C2CD2: variants seen among roughly 807,000 people sequenced by gnomAD.
C2CD2 encodes C2 calcium dependent domain containing 2, also known as C2 domain-containing protein 2.
C2CD2 carries 43 observed loss-of-function variants against 74.3 expected under a neutral mutation model. The observed-to-expected ratio is 0.58, with a 90% CI of 0.45 to 0.75. The LOEUF is 0.75. Ranked by LOEUF, C2CD2 falls within the 30% of genes least tolerant of loss-of-function variation. The probability of loss-of-function intolerance (pLI) is 0.00; values close to 1 mark genes in which losing one functional copy is unlikely to be tolerated. For synonymous variants in C2CD2, 422 were observed against 390.7 expected, an observed-to-expected ratio of 1.08 and a Z score of -0.94; for missense variants, 801 against 916.3, an observed-to-expected ratio of 0.87 and a Z score of 1.63.
At chr21:41,946,124 A>G (rs1462333542) in intron 1 of C2CD2, among the ~76,000 whole-genome samples, 1 of 152,240 alleles carries the variant, frequency 6.6e-6, no homozygotes, top group Non-Finnish European at 1.5e-5. Flanking sequence ...GAAAGTCACC[A>G]TCAAGAGAAC....
intron 2 of C2CD2, among the ~76,000 whole-genome samples, chr21:41,936,210 G>A (rs945137894): frequency 2.0e-5 from 3 of 152,112 alleles, no homozygotes; most frequent in Non-Finnish European, 4.4e-5. Flanking sequence ...TCTGATAAGC[G>A]GTTAATATCC....
intron 5 of C2CD2, among the ~76,000 whole-genome samples, chr21:41,916,177 G>C (rs1165309950): frequency 6.6e-6 from 1 of 152,180 alleles, no homozygotes; most frequent in Non-Finnish European, 1.5e-5. Flanking sequence ...CTACTTGTCT[G>C]GGACAGAGAT....
intron 7 of C2CD2, among the ~76,000 whole-genome samples, chr21:41,911,388 C>CTTTTTTTTTTTTTTTTTTTTTTTT (rs58934224): frequency 8.6e-6 from 1 of 116,744 alleles, no homozygotes; most frequent in African/African-American, 3.2e-5. Context: ...TATCTCGATT[C>CTTTTTTTTTTTTTTTTTTTTTTTT]TTTTTTTTTT....
chr21:41,954,014 G>A lies in C2CD2; in HGVS notation c.-366C>T, dbSNP rs1229304659. 2.0e-5 allele frequency: 3 copies of A among 147,184 alleles called. No individual in the cohort carries two copies. Among genetic ancestry groups the A allele is most frequent in the South Asian group, 4.1e-4 (2 of 4,822 alleles). 9.1% of individuals were successfully genotyped at this position (147,184 alleles called of 1,614,324 possible). On this transcript the variant is annotated 5_prime_UTR_variant, in exon 1 of 14. Coordinates refer to ENST00000380486, the MANE Select transcript of C2CD2 (RefSeq NM_015500.2). Reference sequence around the variant, plus strand: ...CGCGGCCCAGCGGTGGCCGGAGGAGGCTCTGGCCGCGGGGCGGGGCGGGGC... The same window carrying A: ...CGCGGCCCAGCGGTGGCCGGAGGAGACTCTGGCCGCGGGGCGGGGCGGGGC...
At chr21:41,904,379 A>G (rs1307488473) in intron 11 of C2CD2, among the ~76,000 whole-genome samples, 2 of 152,204 alleles carry the variant, frequency 1.3e-5, no homozygotes, top group Admixed American at 6.5e-5. Flanking sequence ...TATGATCAAG[A>G]AAGAACCAGA....
intron 2 of C2CD2, among the ~76,000 whole-genome samples, chr21:41,941,640 T>A (rs769311179): frequency 3.3e-5 from 5 of 152,226 alleles, no homozygotes; most frequent in Non-Finnish European, 7.3e-5. Context: ...GTTGAAGCTA[T>A]ACAAATCAAT....
Position 41,953,814 on chromosome 21 carries a change from A to C in C2CD2, c.-166T>G. 1.9e-6 allele frequency: 1 copy of C among 523,192 alleles called. No individual in the cohort carries two copies. Among genetic ancestry groups the C allele is most frequent in the Non-Finnish European group, 2.8e-6 (1 of 357,466 alleles). The allele number at this position is 523,192 out of a possible 1,614,324, so 32.4% of individuals were successfully genotyped here. Reference sequence around the variant, plus strand: ...GTGGCCGGGGGCCTCTGGGCGGGCAAGCGGGGAGGAAACGCGCGGCGGCCG... The same window carrying C: ...GTGGCCGGGGGCCTCTGGGCGGGCACGCGGGGAGGAAACGCGCGGCGGCCG... On this transcript the variant is annotated 5_prime_UTR_variant, in exon 1 of 14. Coordinates refer to ENST00000380486, the MANE Select transcript of C2CD2 (RefSeq NM_015500.2).
intron 2 of C2CD2, among the ~76,000 whole-genome samples, chr21:41,938,730 T>A (rs1297271294): frequency 6.6e-6 from 1 of 151,094 alleles, no homozygotes; most frequent in Admixed American, 6.6e-5. Flanking sequence ...TGTCAGAATG[T>A]CCTTGCTTTC....
rs762545644 is a variant in C2CD2 at position 41,899,232 on chromosome 21, T to C, written c.1691A>G (p.Glu564Gly). ...GGGGGCAAGGGATGCCTGGGCTGAC[T>C]CGGCTTCCTCTGGCGGGGCAGAGGC... The part of the protein sequence containing the change: ...AAASAPPEEA[E>G]SAQASLAPKP... The change falls in exon 13 of 14, where the codon GAG (glutamate) becomes GGG (glycine). Residue 564 changes from glutamate (E) to glycine (G), a missense_variant. Physicochemically the swap from Glu to Gly is moderately conservative, Grantham distance 98 (BLOSUM62 -2). Coordinates refer to ENST00000380486, the MANE Select transcript of C2CD2 (RefSeq NM_015500.2). This position sits in a 1 kb window ranked among gnomAD's most constrained non-coding sequence, Gnocchi z 4.4. 1 of 1,612,472 alleles carries C rather than the reference T, an allele frequency of 6.2e-7. No homozygotes were observed. The highest frequency in any genetic ancestry group is 1.1e-5 in the South Asian group (1 of 90,948).
rs1158207825 is a variant in C2CD2 at position 41,926,049 on chromosome 21, A to G, written c.379-3964T>C. Among the ~76,000 whole-genome samples the G allele has an allele frequency of 1.3e-5, 2 of 152,178 alleles. No individual in the cohort carries two copies. Among genetic ancestry groups the G allele is most frequent in the African/African-American group, 4.8e-5 (2 of 41,430 alleles). On this transcript the variant is annotated intron_variant, in intron 2 of 13. Transcript: ENST00000380486. This position sits in a 1 kb window ranked among gnomAD's most constrained non-coding sequence, Gnocchi z 8.0. ...TATTAATACAGGATTTTAAAAAGTTAAATAGAAGCAATTATTTGGCATAGG... is the reference window on the plus strand; with the variant it reads ...TATTAATACAGGATTTTAAAAAGTTGAATAGAAGCAATTATTTGGCATAGG...
intron 9 of C2CD2, 99 bp downstream of exon 9, chr21:41,907,561 C>T: frequency 7.5e-7 from 1 of 1,338,878 alleles, no homozygotes; most frequent in Non-Finnish European, 1.0e-6. Flanking sequence ...TCTTATTTCA[C>T]ACAGAGGCAG....
intron 2 of C2CD2, among the ~76,000 whole-genome samples, chr21:41,932,314 C>G (rs1020845795): frequency 6.7e-6 from 1 of 149,934 alleles, no homozygotes; most frequent in Non-Finnish European, 1.5e-5. Flanking sequence ...TCGATGTGGC[C>G]GATCCTGAGT....
intron 2 of C2CD2, among the ~76,000 whole-genome samples, chr21:41,931,432 T>TC (rs1168416197): frequency 1.4e-5 from 2 of 147,820 alleles, no homozygotes; most frequent in Non-Finnish European, 3.0e-5. Flanking sequence ...GTGTCTTTTT[T>TC]TTTTTTTTTG....
At position 41,923,283 on chromosome 21, in the gene C2CD2, G is replaced by A. The variant is rs1474058176; in HGVS notation, c.379-1198C>T. On this transcript the variant is annotated intron_variant, in intron 2 of 13. Transcript: ENST00000380486. This position sits in a 1 kb window ranked among gnomAD's most constrained non-coding sequence, Gnocchi z 5.8. Reference sequence around the variant, plus strand: ...GCTAGGATTACAGGCATGAGCCACCGTGCCCGGCCAACAAAGTCTTTTTCT... The same window carrying A: ...GCTAGGATTACAGGCATGAGCCACCATGCCCGGCCAACAAAGTCTTTTTCT... Among the ~76,000 whole-genome samples, 4 of 152,224 alleles carry A rather than the reference G, an allele frequency of 2.6e-5. No individual in the cohort carries two copies. Among genetic ancestry groups the A allele is most frequent in the East Asian group, 1.9e-4 (1 of 5,194 alleles).
intron 1 of C2CD2, among the ~76,000 whole-genome samples, chr21:41,948,053 G>A (rs1316000932): frequency 1.3e-5 from 2 of 152,226 alleles, no homozygotes; most frequent in African/African-American, 2.4e-5. Context: ...CTGAACTGGC[G>A]CCTATTCCTG....
chr21:41,911,522 G>C (rs896002967), intron 7 of C2CD2, among the ~76,000 whole-genome samples: 2 of 151,342 alleles, frequency 1.3e-5, no homozygotes, highest in African/African-American at 4.9e-5. Context: ...TTCCTGAGTA[G>C]CTGTGATTAC....
chr21:41,928,360 C>T (rs1014683875), intron 2 of C2CD2, among the ~76,000 whole-genome samples: 7 of 152,098 alleles, frequency 4.6e-5, no homozygotes, highest in African/African-American at 7.2e-5. Flanking sequence ...CAGGTGGCCT[C>T]GTGGGAGTCG....
chr21:41,942,352 T>A (rs1184202018), intron 1 of C2CD2, 107 bp from the exon 2 acceptor site: 4 of 835,740 alleles, frequency 4.8e-6, no homozygotes, highest in Non-Finnish European at 7.6e-6. Context: ...TACTAACACA[T>A]CTTTCTGTGA....
chr21:41,942,615 T>G (rs1051362832), intron 1 of C2CD2, among the ~76,000 whole-genome samples: 4 of 152,110 alleles, frequency 2.6e-5, no homozygotes, highest in Admixed American at 6.5e-5. Flanking sequence ...AGAGGATCTG[T>G]GGGTCTAGCG....
Sources: gnomAD v4.1 joint callset for allele counts (sites outside exome capture counted in the v4.1 genomes callset) on GRCh38, gnomAD v4.1.1 for gene constraint, Gnocchi (gnomAD v3.1) non-coding constraint, MANE v1.5 for transcripts, NCBI Gene and HGNC (gene_info 2026-07-23, HGNC 2026-07-21) for gene names.